The following MLLT3 variants were observed in gnomAD, a reference collection of about 807,000 sequenced individuals.
MLLT3 encodes the protein MLLT3 super elongation complex subunit.
Under a neutral mutation model 53.2 loss-of-function variants are expected in MLLT3, and 4 were observed. That is an observed-to-expected ratio of 0.08 (90% CI 0.04 to 0.17). The LOEUF (loss-of-function observed/expected upper bound fraction) is 0.17, where lower values mean the gene tolerates loss of function less well. MLLT3 is among the 10% of genes least tolerant of loss of function. The pLI is 1.00. For synonymous variants in MLLT3, 283 were observed against 230.6 expected, an observed-to-expected ratio of 1.23 and a Z score of -2.06; for missense variants, 569 against 684.0, an observed-to-expected ratio of 0.83 and a Z score of 1.87.
chr9:20,396,119 A>G (rs1178609627), intron 5 of MLLT3, among the ~76,000 whole-genome samples: 1 of 152,054 alleles, frequency 6.6e-6, no homozygotes, highest in Admixed American at 6.6e-5. Context: ...GAAACTATCA[A>G]CTAAAAGGAT....
chr9:20,536,979 C>T (rs546636831), intron 2 of MLLT3, among the ~76,000 whole-genome samples: 2 of 152,264 alleles, frequency 1.3e-5, no homozygotes, highest in Admixed American at 1.3e-4. Flanking sequence ...TCTGGTTCTT[C>T]ATTTATAATG....
chr9:20,448,161 T>A lies in MLLT3; in HGVS notation c.382A>T (p.Thr128Ser), dbSNP rs747894206. ...AGCAACTTTCTCCTAAAGTCCTCTGTGGGGTTGTTGAAAGTTAGCTTTTCA... is the reference window on the plus strand; with the variant it reads ...AGCAACTTTCTCCTAAAGTCCTCTGAGGGGTTGTTGAAAGTTAGCTTTTCA... Reference protein sequence around the residue: ...RCEKLTFNNPTEDFRRKLLKA... With the variant: ...RCEKLTFNNPSEDFRRKLLKA... Residue 128 changes from threonine (T) to serine (S), a missense_variant, in exon 4 of 11, where the codon ACA becomes TCA. Transcript: ENST00000380338. This position sits in a 1 kb window ranked among gnomAD's most constrained non-coding sequence, Gnocchi z 4.0. 6.2e-6 allele frequency: 10 copies of A among 1,613,476 alleles called. No individual in the cohort carries two copies. The highest frequency in any genetic ancestry group is 8.5e-6 in the Non-Finnish European group (10 of 1,179,706).
chr9:20,415,388 C>T (rs1290924357), intron 4 of MLLT3: 7 of 735,828 alleles, frequency 9.5e-6, no homozygotes, highest in Non-Finnish European at 1.2e-5. Flanking sequence ...AATATATAAC[C>T]TATATATAAT....
At chr9:20,409,766 T>C (rs1454968250) in intron 5 of MLLT3, among the ~76,000 whole-genome samples, 1 of 152,230 alleles carries the variant, frequency 6.6e-6, no homozygotes, top group African/African-American at 2.4e-5. Flanking sequence ...GGGAAATTTG[T>C]TGACAAACTT....
chr9:20,465,552 C>CA (rs1423981834), intron 2 of MLLT3, among the ~76,000 whole-genome samples: 2 of 152,004 alleles, frequency 1.3e-5, no homozygotes, highest in Non-Finnish European at 2.9e-5. Flanking sequence ...TATAATAAAT[C>CA]AAAATTAAAA....
At chr9:20,404,094 T>C (rs1034336494) in intron 5 of MLLT3, among the ~76,000 whole-genome samples, 4 of 152,206 alleles carry the variant, frequency 2.6e-5, no homozygotes, top group East Asian at 1.9e-4. Flanking sequence ...GTGCCGGGAC[T>C]ACAGGTGTGA....
At chr9:20,481,840 T>A (rs1447621860) in intron 2 of MLLT3, among the ~76,000 whole-genome samples, 1 of 152,156 alleles carries the variant, frequency 6.6e-6, no homozygotes, top group Non-Finnish European at 1.5e-5. Context: ...CCACATTTTT[T>A]AAAAAAGTCA....
intron 5 of MLLT3, among the ~76,000 whole-genome samples, chr9:20,390,340 A>C (rs1022520343): frequency 2.0e-5 from 3 of 152,172 alleles, no homozygotes; most frequent in African/African-American, 7.2e-5. Context: ...GAGATCTACT[A>C]CCGAAAAAGA....
chr9:20,364,495 A>T (rs954877953), intron 6 of MLLT3, among the ~76,000 whole-genome samples: 4 of 152,226 alleles, frequency 2.6e-5, no homozygotes, highest in Admixed American at 6.5e-5. Flanking sequence ...AGACACTTTC[A>T]TTCGGGATTA....
chr9:20,591,461 C>G (rs1314611057), intron 2 of MLLT3, among the ~76,000 whole-genome samples: 1 of 152,074 alleles, frequency 6.6e-6, no homozygotes, highest in Non-Finnish European at 1.5e-5. Context: ...CAGCCTGGCC[C>G]ACAAAATGAA....
chr9:20,445,701 T>C (rs1445440253), intron 4 of MLLT3, among the ~76,000 whole-genome samples: 1 of 152,176 alleles, frequency 6.6e-6, no homozygotes, highest in African/African-American at 2.4e-5. Flanking sequence ...ACACTAAGTT[T>C]ACTCCACCCA....
chr9:20,465,995 T>C (rs1824229283), intron 2 of MLLT3, among the ~76,000 whole-genome samples: 3 of 152,098 alleles, frequency 2.0e-5, no homozygotes, highest in Admixed American at 2.0e-4. Flanking sequence ...ATTTCCAAAC[T>C]GTGTTCCAGG....
intron 2 of MLLT3, among the ~76,000 whole-genome samples, chr9:20,616,498 T>TCAAACAC (rs1820836290): frequency 6.6e-6 from 1 of 151,984 alleles, no homozygotes; most frequent in Non-Finnish European, 1.5e-5. Context: ...TAAAAAAAAA[T>TCAAACAC]CAAACACTAC....
intron 2 of MLLT3, among the ~76,000 whole-genome samples, chr9:20,558,055 C>A (rs1373877132): frequency 2.0e-5 from 3 of 152,180 alleles, no homozygotes; most frequent in African/African-American, 7.2e-5. Context: ...CTGTAGTTCA[C>A]TTTTTACAGT....
At chr9:20,564,639 ACC>A (rs1819301280) in intron 2 of MLLT3, among the ~76,000 whole-genome samples, 1 of 152,186 alleles carries the variant, frequency 6.6e-6, no homozygotes, top group Non-Finnish European at 1.5e-5. Flanking sequence ...TTAAACAACA[ACC>A]AACTATTTTC....
chr9:20,363,945 T>C (rs1821386894), intron 6 of MLLT3, among the ~76,000 whole-genome samples: 1 of 152,234 alleles, frequency 6.6e-6, no homozygotes, highest in African/African-American at 2.4e-5. Flanking sequence ...AATCCATGTA[T>C]TGAGAAGTTG....
chr9:20,558,695 C>T (rs1019335493), intron 2 of MLLT3, among the ~76,000 whole-genome samples: 2 of 152,174 alleles, frequency 1.3e-5, no homozygotes, highest in African/African-American at 4.8e-5. Context: ...AAACAAACCC[C>T]CAGGGAATTC....
chr9:20,384,861 T>A (rs914630212), intron 5 of MLLT3, among the ~76,000 whole-genome samples: 1 of 152,076 alleles, frequency 6.6e-6, no homozygotes, highest in African/African-American at 2.4e-5. Context: ...CAAATTTGAC[T>A]CACTAAGTGT....
At chr9:20,392,368 A>T (rs1051723867) in intron 5 of MLLT3, among the ~76,000 whole-genome samples, 1 of 152,142 alleles carries the variant, frequency 6.6e-6, no homozygotes, top group Non-Finnish European at 1.5e-5. Context: ...AGATGATAGA[A>T]CTGTAATTTG....
Sources: allele counts gnomAD v4.1 joint callset (sites outside exome capture counted in the v4.1 genomes callset), GRCh38; gene constraint gnomAD v4.1.1; non-coding constraint Gnocchi (gnomAD v3.1); transcripts MANE v1.5; gene names NCBI Gene and HGNC (gene_info 2026-07-23, HGNC 2026-07-21).